CSMD1: variants seen among roughly 807,000 people sequenced by gnomAD.
The protein encoded by CSMD1 is CUB and Sushi multiple domains 1.
Under a neutral mutation model 417.5 loss-of-function variants are expected in CSMD1, and 213 were observed. The ratio of observed to expected loss-of-function variants is 0.51; its 90% confidence interval spans 0.46 to 0.57. The LOEUF (loss-of-function observed/expected upper bound fraction) is 0.57. Ranked by LOEUF, CSMD1 falls within the 20% of genes least tolerant of loss-of-function variation. The pLI is 0.00. For synonymous variants in CSMD1, 2,862 were observed against 1,736.8 expected, an observed-to-expected ratio of 1.65 and a Z score of -16.11; for missense variants, 6,923 against 4,529.7, an observed-to-expected ratio of 1.53 and a Z score of -15.17.
intron 18 of CSMD1, among the ~76,000 whole-genome samples, chr8:3,382,630 T>C (rs1361471965): frequency 3.5e-5 from 5 of 144,496 alleles, no homozygotes; most frequent in East Asian, 4.0e-4. Context: ...TAAATATAAA[T>C]ATCTCTCTCT....
intron 12 of CSMD1, among the ~76,000 whole-genome samples, chr8:3,442,424 T>C (rs1185967722): frequency 6.6e-6 from 1 of 152,204 alleles, no homozygotes; most frequent in African/African-American, 2.4e-5. Context: ...AAGTACCTTA[T>C]ACAGATGTCC....
Position 4,754,133 on chromosome 8 carries a change from T to C in CSMD1, c.86-116575A>G, listed in dbSNP as rs182393197. 8.5e-5 allele frequency among the ~76,000 whole-genome samples: 13 copies of C among 152,282 alleles called. No individual in the cohort carries two copies. The East Asian group carries it at 2.1e-3, about 25-fold the overall frequency. On this transcript the variant is annotated intron_variant, in intron 1 of 69. Coordinates refer to ENST00000635120, the MANE Select transcript of CSMD1 (RefSeq NM_033225.6). ...TACATTAAACATTTATTCTTGGTGG[T>C]AGCAATAAAATAGACACTTCTGATT...
chr8:3,243,444 G>C (rs544445038), intron 26 of CSMD1, among the ~76,000 whole-genome samples: 2 of 150,068 alleles, frequency 1.3e-5, no homozygotes, highest in Admixed American at 1.3e-4. Context: ...ACTTTGAGTA[G>C]GTAAAGGAAA....
At chr8:4,858,847 A>G (rs938505007) in intron 1 of CSMD1, among the ~76,000 whole-genome samples, 7 of 148,904 alleles carry the variant, frequency 4.7e-5, no homozygotes, top group African/African-American at 1.5e-4. Flanking sequence ...TGCCCAAGGT[A>G]ATTTACAGAT....
chr8:4,765,757 T>C (rs1326252875), intron 1 of CSMD1, among the ~76,000 whole-genome samples: 2 of 152,194 alleles, frequency 1.3e-5, no homozygotes, highest in African/African-American at 2.4e-5. Flanking sequence ...GTTTAAATTA[T>C]TGGGATAATT....
intron 5 of CSMD1, among the ~76,000 whole-genome samples, chr8:3,994,242 G>T: frequency 6.9e-6 from 1 of 144,718 alleles, no homozygotes; most frequent in East Asian, 2.0e-4. Flanking sequence ...ATGGAAGCCT[G>T]TTTCTTTTGT....
intron 8 of CSMD1, among the ~76,000 whole-genome samples, chr8:3,603,024 C>G (rs1801436527): frequency 2.0e-5 from 3 of 152,124 alleles, no homozygotes; most frequent in African/African-American, 7.2e-5. Flanking sequence ...ATTCCACCAG[C>G]CCTATTTGGT....
At chr8:3,784,789 C>T (rs1166353003) in intron 5 of CSMD1, among the ~76,000 whole-genome samples, 1 of 152,176 alleles carries the variant, frequency 6.6e-6, no homozygotes, top group African/African-American at 2.4e-5. Context: ...CTCATATTTA[C>T]ATCATGTTGC....
chr8:3,531,648 A>T (rs546897365), intron 10 of CSMD1, among the ~76,000 whole-genome samples: 70 of 152,306 alleles, frequency 4.6e-4, no homozygotes, highest in Non-Finnish European at 7.8e-4. Context: ...GCAATACAGG[A>T]AGTAGAACAA....
At chr8:3,478,512 G>C (rs1365435195) in intron 11 of CSMD1, among the ~76,000 whole-genome samples, 1 of 152,148 alleles carries the variant, frequency 6.6e-6, no homozygotes. Flanking sequence ...CTGCTAAAAT[G>C]TGATAGGAGA....
intron 26 of CSMD1, among the ~76,000 whole-genome samples, chr8:3,283,162 T>G (rs1802867137): frequency 6.6e-6 from 1 of 152,164 alleles, no homozygotes; most frequent in African/African-American, 2.4e-5. Flanking sequence ...CATATTAGCT[T>G]CTTGAAACTT....
At chr8:3,310,394 G>T (rs955748813) in intron 23 of CSMD1, among the ~76,000 whole-genome samples, 2 of 152,198 alleles carry the variant, frequency 1.3e-5, no homozygotes, top group Non-Finnish European at 2.9e-5. Flanking sequence ...TTAGAAGGCA[G>T]TCCTGCCCAG....
intron 12 of CSMD1, among the ~76,000 whole-genome samples, chr8:3,412,926 A>C (rs769981381): frequency 6.6e-6 from 1 of 152,144 alleles, no homozygotes; most frequent in Non-Finnish European, 1.5e-5. Flanking sequence ...CTCCATTGGG[A>C]AGCTGGGCTG....
At chr8:4,374,603 G>A (rs545213517) in intron 3 of CSMD1, among the ~76,000 whole-genome samples, 5 of 152,162 alleles carry the variant, frequency 3.3e-5, no homozygotes, top group African/African-American at 7.2e-5. Context: ...AAGCAGCTAA[G>A]AAATGGTCCT....
At chr8:3,412,672 C>T (rs73657849) in intron 12 of CSMD1, among the ~76,000 whole-genome samples, 15,138 of 152,180 alleles carry the variant, frequency 0.099, 942 homozygotes, top group East Asian at 0.26. Context: ...CAAAGATGAT[C>T]CTTACAGAGT....
intron 1 of CSMD1, among the ~76,000 whole-genome samples, chr8:4,745,331 G>C (rs1013266608): frequency 2.0e-5 from 3 of 152,106 alleles, no homozygotes; most frequent in African/African-American, 7.2e-5. Context: ...ATTACTAAGA[G>C]AAAGAAATGC....
intron 3 of CSMD1, among the ~76,000 whole-genome samples, chr8:4,391,291 A>C (rs1417694212): frequency 6.6e-6 from 1 of 152,110 alleles, no homozygotes; most frequent in African/African-American, 2.4e-5. Flanking sequence ...CATTAACTCT[A>C]CCCTTTCTTC....
chr8:4,932,818 C>T (rs1404318151), intron 1 of CSMD1, among the ~76,000 whole-genome samples: 2 of 152,196 alleles, frequency 1.3e-5, no homozygotes, highest in African/African-American at 4.8e-5. Context: ...CTTCCCTGTG[C>T]TCCCTGGTTC....
chr8:4,330,661 G>A (rs1240360899), intron 3 of CSMD1, among the ~76,000 whole-genome samples: 1 of 151,474 alleles, frequency 6.6e-6, no homozygotes, highest in Non-Finnish European at 1.5e-5. Flanking sequence ...AACCTCTTAT[G>A]CCTTTAAGTT....
Sources: gnomAD v4.1 joint callset for allele counts (sites outside exome capture counted in the v4.1 genomes callset) on GRCh38, gnomAD v4.1.1 for gene constraint, MANE v1.5 for transcripts, NCBI Gene and HGNC (gene_info 2026-07-23, HGNC 2026-07-21) for gene names.